AUTS2: variants seen among roughly 807,000 people sequenced by gnomAD.
AUTS2 encodes autism susceptibility gene 2 protein.
AUTS2 carries 17 observed loss-of-function variants against 112.4 expected under a neutral mutation model. That is an observed-to-expected ratio of 0.15 (90% CI 0.10 to 0.23). The LOEUF is 0.23. AUTS2 is among the 10% of genes least tolerant of loss of function. The pLI is 1.00. For missense variants in AUTS2, 1,510 were observed against 1,701.6 expected (o/e 0.89, Z 1.98); for synonymous variants, 751 against 702.7 (o/e 1.07, Z -1.09).
chr7:70,240,141 C>G (rs1284489421), intron 4 of AUTS2, among the ~76,000 whole-genome samples: 1 of 152,124 alleles, frequency 6.6e-6, no homozygotes, highest in East Asian at 1.9e-4. Context: ...TCTCCCAGCC[C>G]CGGTAGCCAA....
chr7:70,704,528 T>A (rs749943835), intron 6 of AUTS2, among the ~76,000 whole-genome samples: 7 of 152,268 alleles, frequency 4.6e-5, no homozygotes, highest in African/African-American at 7.2e-5. Context: ...AGCTTGAATG[T>A]TCATCAGCCT....
intron 5 of AUTS2, among the ~76,000 whole-genome samples, chr7:70,689,620 C>CA (rs1450535694): frequency 1.3e-5 from 2 of 151,568 alleles, no homozygotes; most frequent in African/African-American, 2.4e-5. Flanking sequence ...ACTAAAAATA[C>CA]AAAAAATTAG....
intron 5 of AUTS2, among the ~76,000 whole-genome samples, chr7:70,463,698 C>T (rs929538398): frequency 3.3e-5 from 5 of 152,198 alleles, no homozygotes; most frequent in Admixed American, 6.5e-5. Context: ...TTGAGCATGG[C>T]CTTGCACTGC....
intron 1 of AUTS2, among the ~76,000 whole-genome samples, chr7:69,855,587 T>A (rs1792684821): frequency 6.6e-6 from 1 of 152,232 alleles, no homozygotes; most frequent in Non-Finnish European, 1.5e-5. Context: ...AGAGAGTAGA[T>A]AAGGCACTTA....
At chr7:70,446,235 C>T (rs17489055) in intron 5 of AUTS2, among the ~76,000 whole-genome samples, 2,808 of 152,290 alleles carry the variant, frequency 0.018, 33 homozygotes, top group Middle Eastern at 0.044. Context: ...TCCTGCAGCC[C>T]AAATGATAGT....
chr7:69,647,258 G>A (rs1452815111), intron 1 of AUTS2, among the ~76,000 whole-genome samples: 1 of 151,906 alleles, frequency 6.6e-6, no homozygotes, highest in African/African-American at 2.4e-5. Flanking sequence ...AAAACAAGAA[G>A]GTTATTCAGA....
chr7:70,249,433 G>T (rs559251428), intron 4 of AUTS2, among the ~76,000 whole-genome samples: 1 of 152,088 alleles, frequency 6.6e-6, no homozygotes, highest in African/African-American at 2.4e-5. Flanking sequence ...AGTTTAGTGC[G>T]CATTAGAATA....
chr7:70,608,002 T>A (rs1053784829), intron 5 of AUTS2, among the ~76,000 whole-genome samples: 42 of 152,224 alleles, frequency 2.8e-4, no homozygotes, highest in African/African-American at 9.6e-4. Context: ...AAACTAGAGT[T>A]GGGACACTGG....
chr7:69,854,107 T>C (rs149998044), intron 1 of AUTS2, among the ~76,000 whole-genome samples: 1,656 of 152,296 alleles, frequency 0.011, 13 homozygotes, highest in Non-Finnish European at 0.014. Context: ...CTCAAACTTA[T>C]GCTTTGCAGT....
At chr7:70,178,715 G>A (rs1412872856) in intron 4 of AUTS2, among the ~76,000 whole-genome samples, 1 of 152,074 alleles carries the variant, frequency 6.6e-6, no homozygotes, top group African/African-American at 2.4e-5. Context: ...CATGAGAATC[G>A]CTTGAACCCA....
intron 2 of AUTS2, among the ~76,000 whole-genome samples, chr7:69,940,728 A>C (rs1298357237): frequency 1.3e-5 from 2 of 152,222 alleles, no homozygotes; most frequent in Non-Finnish European, 1.5e-5. Flanking sequence ...ACAAGAGTGC[A>C]GTCAGGCAGC....
chr7:69,749,772 G>C (rs1318435442), intron 1 of AUTS2, among the ~76,000 whole-genome samples: 3 of 152,196 alleles, frequency 2.0e-5, no homozygotes, highest in South Asian at 2.1e-4. Flanking sequence ...GTTGCTTCTA[G>C]TGAAATACAC....
chr7:70,251,566 TTC>T (rs1431504552), intron 4 of AUTS2, among the ~76,000 whole-genome samples: 1 of 152,152 alleles, frequency 6.6e-6, no homozygotes, highest in Non-Finnish European at 1.5e-5. Context: ...CAACTCCTCA[TTC>T]TCTCTTTCCC....
At chr7:69,722,848 T>C (rs1799034203) in intron 1 of AUTS2, among the ~76,000 whole-genome samples, 1 of 144,204 alleles carries the variant, frequency 6.9e-6, no homozygotes, top group African/African-American at 2.5e-5. Flanking sequence ...CTGGAATTGC[T>C]TTTTTTTTTT....
chr7:70,203,458 T>C (rs1810407920), intron 4 of AUTS2, among the ~76,000 whole-genome samples: 1 of 150,506 alleles, frequency 6.6e-6, no homozygotes, highest in African/African-American at 2.4e-5. Context: ...AAGCTTAAAA[T>C]TTTGAATCTA....
chr7:69,786,979 A>G (rs972106279), intron 1 of AUTS2, among the ~76,000 whole-genome samples: 2 of 152,222 alleles, frequency 1.3e-5, no homozygotes, highest in Non-Finnish European at 2.9e-5. Flanking sequence ...CAAGCCTATC[A>G]GTTGAGGTTT....
At chr7:69,709,813 G>GT (rs1798235656) in intron 1 of AUTS2, among the ~76,000 whole-genome samples, 1 of 152,124 alleles carries the variant, frequency 6.6e-6, no homozygotes, top group African/African-American at 2.4e-5. Context: ...TGCCCTCCCT[G>GT]TTTCTCAGAT....
chr7:69,628,230 T>C (rs771919700), intron 1 of AUTS2, among the ~76,000 whole-genome samples: 2 of 152,208 alleles, frequency 1.3e-5, no homozygotes, highest in African/African-American at 2.4e-5. Context: ...TGTTCTTCCA[T>C]TGAGGTGTGC....
At chr7:70,785,915 G>C in intron 16 of AUTS2, 40 bp from the exon 17 acceptor site, 1 of 1,600,344 alleles carries the variant, frequency 6.2e-7, no homozygotes, top group Non-Finnish European at 8.6e-7. Context: ...TCTCCCAGCA[G>C]AGCCCCTGAC....
Sources: gnomAD v4.1 joint callset for allele counts (sites outside exome capture counted in the v4.1 genomes callset) on GRCh38, gnomAD v4.1.1 for gene constraint, MANE v1.5 for transcripts, NCBI Gene and HGNC (gene_info 2026-07-23, HGNC 2026-07-21) for gene names.